Variants in MRM3 observed in about 807,000 individuals in gnomAD.
MRM3 encodes mitochondrial rRNA methyltransferase 3.
A neutral mutation model predicts 29.4 loss-of-function variants in MRM3; 26 were observed. The ratio of observed to expected loss-of-function variants is 0.89; its 90% confidence interval spans 0.65 to 1.23. The LOEUF is 1.23. Ranked by LOEUF, MRM3 falls within the 50% of genes most tolerant of loss-of-function variation. The pLI is 0.00. For missense variants in MRM3, 578 were observed against 540.2 expected, an observed-to-expected ratio of 1.07 and a Z score of -0.69; for synonymous variants, 225 against 219.0, an observed-to-expected ratio of 1.03 and a Z score of -0.24.
intron 3 of MRM3, among the ~76,000 whole-genome samples, chr17:788,486 T>A (rs1459311681): frequency 6.6e-6 from 1 of 151,282 alleles, no homozygotes; most frequent in Non-Finnish European, 1.5e-5. Flanking sequence ...TTTTTTTTTT[T>A]TTTTTTTATT....
At chr17:784,890 G>A (rs1335605583) in intron 2 of MRM3, among the ~76,000 whole-genome samples, 1 of 152,122 alleles carries the variant, frequency 6.6e-6, no homozygotes, top group African/African-American at 2.4e-5. Flanking sequence ...GCACACAGAC[G>A]CCTAATACCC....
Position 787,375 on chromosome 17 carries a change from G to T in MRM3, c.560-590G>T, listed in dbSNP as rs913572539. ...ACAGAATAATACAGAGTATGACACG[G>T]AATGTAAAACACATTTACATATGGA... On this transcript the variant is annotated intron_variant, in intron 2 of 3. Transcript: ENST00000304478. The surrounding 1 kb of genome is among the most constrained non-coding windows in gnomAD (Gnocchi z 4.1). 2.0e-5 allele frequency among the ~76,000 whole-genome samples: 3 copies of T among 152,170 alleles called. No individual in the cohort carries two copies. The highest frequency in any genetic ancestry group is 2.0e-4 in the Admixed American group (3 of 15,270).
chr17:786,400 A>G (rs59997887), intron 2 of MRM3, among the ~76,000 whole-genome samples: 2,112 of 152,296 alleles, frequency 0.014, 52 homozygotes, highest in African/African-American at 0.048. Flanking sequence ...CAGCCTCCCG[A>G]GTAGCTGGGA....
intron 3 of MRM3, among the ~76,000 whole-genome samples, chr17:791,160 T>A (rs1236924929): frequency 6.6e-6 from 1 of 152,174 alleles, no homozygotes; most frequent in African/African-American, 2.4e-5. Context: ...GTCCGTGGGT[T>A]TTCTATGACT....
intron 2 of MRM3, among the ~76,000 whole-genome samples, chr17:786,916 G>A (rs1477103580): frequency 6.6e-6 from 1 of 152,116 alleles, no homozygotes; most frequent in Non-Finnish European, 1.5e-5. Context: ...CAGTCCATAG[G>A]GGAAGAGCTA....
At position 782,401 on chromosome 17, in the gene MRM3, C is replaced by T. The variant is rs768889204; in HGVS notation, c.23C>T (p.Ala8Val). The T allele has an allele frequency of 1.2e-6, 2 of 1,613,790 alleles. No homozygotes were observed. Among genetic ancestry groups the T allele is most frequent in the African/African-American group, 1.3e-5 (1 of 75,054 alleles). The change falls in exon 1 of 4, where the codon GCG (alanine) becomes GTG (valine). Residue 8 changes from alanine (A) to valine (V), a missense_variant. Ala to Val is a moderately conservative substitution (Grantham distance 64). Transcript: ENST00000304478. MAALVRP[A>V]RFVVRPLLQV... ...AACATGGCGGCGCTGGTGAGACCCG[C>T]GAGGTTTGTCGTGCGACCGTTGCTG...
rs1193864147 is a variant in MRM3, at chr17:789,223, G to T, written c.727+1091G>T. 2.6e-5 allele frequency among the ~76,000 whole-genome samples: 4 copies of T among 152,122 alleles called. No homozygotes were observed. The South Asian group carries it at 8.3e-4, about 32-fold the overall frequency. ...AAATAGATGCCAATTTTAACACTTG[G>T]TTTCTGGTTCTTTATGTAATGATAT... is the stretch of plus-strand genomic sequence containing the variant. On this transcript the variant is annotated intron_variant, in intron 3 of 3. Coordinates refer to ENST00000304478, the MANE Select transcript of MRM3 (RefSeq NM_018146.4).
rs753269953 is a variant in MRM3 at position 787,227 on chromosome 17, C to T, written c.560-738C>T. On this transcript the variant is annotated intron_variant, in intron 2 of 3. Coordinates refer to ENST00000304478, the MANE Select transcript of MRM3 (RefSeq NM_018146.4). The surrounding 1 kb of genome is among the most constrained non-coding windows in gnomAD (Gnocchi z 4.1). Reference sequence around the variant, plus strand: ...CACCATTGTACTCCAGCCTGGGCAACAGAGTGAGAGAGTGGGACTCTGTCT... The same window carrying T: ...CACCATTGTACTCCAGCCTGGGCAATAGAGTGAGAGAGTGGGACTCTGTCT... 2.0e-5 allele frequency among the ~76,000 whole-genome samples: 3 copies of T among 151,852 alleles called. No individual in the cohort carries two copies. In the East Asian group the frequency reaches 5.8e-4, roughly 29 times the overall value.
At chr17:783,847 A>G (rs182756059) in intron 2 of MRM3, among the ~76,000 whole-genome samples, 78 of 152,342 alleles carry the variant, frequency 5.1e-4, no homozygotes, top group African/African-American at 1.9e-3. Context: ...AAGAACCACT[A>G]TTCCTCAAAC....
chr17:787,802 G>A lies in MRM3; in HGVS notation c.560-163G>A, dbSNP rs920235839. On this transcript the variant is annotated intron_variant, in intron 2 of 3. Transcript: ENST00000304478. The surrounding 1 kb of genome is among the most constrained non-coding windows in gnomAD (Gnocchi z 4.1). ...GACCTCAGGTGATCCACCCGCCTTG[G>A]CCTCCCGAAGTGTTGGGATTACAGG... is the stretch of plus-strand genomic sequence containing the variant. Among the ~76,000 whole-genome samples the A allele has an allele frequency of 2.6e-5, 4 of 152,202 alleles. No homozygotes were observed. Among genetic ancestry groups the A allele is most frequent in the African/African-American group, 9.6e-5 (4 of 41,460 alleles).
In MRM3 at chr17:792,018, AC is replaced by A. The variant is rs1472503335; in HGVS notation, c.1213del (p.Gln405SerfsTer9). ...ASILLFEGKR[Q>X]LRGRAEDLSR... The stretch of plus-strand genomic sequence containing the variant: ...GCATCCTGCTTTTCGAAGGGAAAAG[AC>A]AGCTGCGGGGGAGGGCGGAGGACTT... On this transcript the variant is annotated frameshift_variant, in exon 4 of 4. Transcript: ENST00000304478. LOFTEE classifies it high-confidence loss of function. 1.9e-6 allele frequency: 3 copies of A among 1,613,666 alleles called. No homozygotes were observed. The highest frequency in any genetic ancestry group is 2.5e-6 in the Non-Finnish European group (3 of 1,179,922).
Position 791,958 on chromosome 17 carries a change from T to C in MRM3, c.1152T>C (p.Pro384=), listed in dbSNP as rs773158750. The C allele has an allele frequency of 1.6e-5, 26 of 1,613,934 alleles. No homozygotes were observed. The highest frequency in any genetic ancestry group is 2.1e-5 in the Non-Finnish European group (25 of 1,180,042). ...GGKRLLIPVV[P]GVDSLNSAMA... is the part of the protein sequence containing the mutation. ...AGAGGCTGCTGATCCCCGTTGTGCC[T>C]GGTGTGGACAGCCTCAACTCGGCCA... is the stretch of plus-strand genomic sequence containing the variant. The change falls in exon 4 of 4, where the codon CCT becomes CCC. Residue 384 remains proline (P), a synonymous_variant. Coordinates refer to ENST00000304478, the MANE Select transcript of MRM3 (RefSeq NM_018146.4).
At chr17:789,507 C>T (rs1195941261) in intron 3 of MRM3, among the ~76,000 whole-genome samples, 1 of 152,166 alleles carries the variant, frequency 6.6e-6, no homozygotes, top group African/African-American at 2.4e-5. Context: ...CCTAAAATGT[C>T]TCTTACACCT....
chr17:786,701 G>A (rs780868297), intron 2 of MRM3, among the ~76,000 whole-genome samples: 4 of 152,112 alleles, frequency 2.6e-5, no homozygotes, highest in African/African-American at 9.7e-5. Context: ...GAGCCACTGC[G>A]CCCAGCCGAA....
chr17:788,185 T>G, intron 3 of MRM3, 53 bp downstream of exon 3: 1 of 1,590,604 alleles, frequency 6.3e-7, no homozygotes, highest in Non-Finnish European at 8.6e-7. Flanking sequence ...TCCAGCCCTT[T>G]GGGAGGCCGA....
chr17:788,205 G>A (rs1158510220), intron 3 of MRM3, 73 bp downstream of exon 3: 1 of 1,500,204 alleles, frequency 6.7e-7, no homozygotes. Flanking sequence ...AGGCAGGAGG[G>A]TCACTTGAGC....
chr17:783,876 C>G (rs187724017), intron 2 of MRM3, among the ~76,000 whole-genome samples: 279 of 152,248 alleles, frequency 1.8e-3, no homozygotes, highest in African/African-American at 6.4e-3. Flanking sequence ...TTTTAGATTA[C>G]TTCTTCAACT....
chr17:791,505 A>G lies in MRM3; in HGVS notation c.728-29A>G, dbSNP rs373414189. On this transcript the variant is annotated intron_variant, in intron 3 of 3. Transcript: ENST00000304478. The stretch of plus-strand genomic sequence containing the variant: ...CCCCTGGTCTGGGAAGATTTGTAAC[A>G]TCTTGATTGTTTCCTTTTTATTTTC... 9 of 1,600,408 alleles carry G rather than the reference A, an allele frequency of 5.6e-6. No homozygotes were observed. The African/African-American group carries it at 8.1e-5, about 14-fold the overall frequency.
At chr17:785,296 CAA>C (rs983951209) in intron 2 of MRM3, among the ~76,000 whole-genome samples, 1 of 152,176 alleles carries the variant, frequency 6.6e-6, no homozygotes, top group Non-Finnish European at 1.5e-5. Flanking sequence ...TTCATGTACT[CAA>C]AGCCATTTTT....
Sources: gnomAD v4.1 joint callset for allele counts (sites outside exome capture counted in the v4.1 genomes callset) on GRCh38, gnomAD v4.1.1 for gene constraint, Gnocchi (gnomAD v3.1) non-coding constraint, MANE v1.5 for transcripts, NCBI Gene and HGNC (gene_info 2026-07-23, HGNC 2026-07-21) for gene names.